PGM5: variants seen among roughly 807,000 people sequenced by gnomAD.
PGM5 encodes the protein phosphoglucomutase 5, also known as phosphoglucomutase-like protein 5.
In PGM5, 23 loss-of-function variants were observed where a neutral mutation model predicts 59.2. The ratio of observed to expected loss-of-function variants is 0.39; its 90% CI spans 0.28 to 0.55. The LOEUF (loss-of-function observed/expected upper bound fraction) is 0.55, where lower values mean the gene tolerates loss of function less well. Among genes scored for constraint, PGM5 ranks in the 20% least tolerant of loss-of-function variants. PGM5 has a pLI of 0.66. For synonymous variants in PGM5, 214 were observed against 286.0 expected (o/e 0.75, Z 2.54); for missense variants, 574 against 748.3 (o/e 0.77, Z 2.72).
intron 6 of PGM5, among the ~76,000 whole-genome samples, chr9:68,445,857 C>A (rs1328444760): frequency 1.3e-5 from 2 of 152,174 alleles, no homozygotes; most frequent in Admixed American, 1.3e-4. Flanking sequence ...TGTTTTCTTA[C>A]GTGTAGTTAT....
chr9:68,488,323 C>T (rs1214200447), intron 9 of PGM5, among the ~76,000 whole-genome samples: 1 of 152,140 alleles, frequency 6.6e-6, no homozygotes. Context: ...ATGTCCTTGA[C>T]CTGAGGTCAG....
At chr9:68,387,883 A>C (rs781789342) in intron 4 of PGM5, among the ~76,000 whole-genome samples, 1 of 152,046 alleles carries the variant, frequency 6.6e-6, no homozygotes, top group Non-Finnish European at 1.5e-5. Context: ...TCAAATAAAT[A>C]GTTCAAGATT....
intron 6 of PGM5, among the ~76,000 whole-genome samples, chr9:68,421,576 G>T (rs1412325824): frequency 6.6e-6 from 1 of 152,004 alleles, no homozygotes; most frequent in African/African-American, 2.4e-5. Context: ...AATTAGTCAG[G>T]CATGGTGGTG....
At chr9:68,527,420 G>T (rs1231721068) in intron 10 of PGM5, among the ~76,000 whole-genome samples, 1 of 152,144 alleles carries the variant, frequency 6.6e-6, no homozygotes, top group Non-Finnish European at 1.5e-5. Context: ...AGGTGTTAAT[G>T]AAGAATTACA....
chr9:68,357,431 A>G, intron 1 of PGM5, 43 bp downstream of exon 1: 1 of 1,542,456 alleles, frequency 6.5e-7, no homozygotes, highest in Non-Finnish European at 8.7e-7. Flanking sequence ...CGCCGCCGCC[A>G]TGCCCTCTCC....
intron 2 of PGM5, 90 bp downstream of exon 2, chr9:68,378,451 C>A: frequency 7.0e-7 from 1 of 1,430,804 alleles, no homozygotes; most frequent in Non-Finnish European, 9.3e-7. Context: ...GATAGACAAG[C>A]AAGGTGCAGA....
At chr9:68,468,131 G>A (rs2132081229) in intron 7 of PGM5, among the ~76,000 whole-genome samples, 1 of 151,756 alleles carries the variant, frequency 6.6e-6, no homozygotes, top group South Asian at 2.1e-4. Flanking sequence ...CATCACCCAG[G>A]AATTAAGCCC....
intron 6 of PGM5, among the ~76,000 whole-genome samples, chr9:68,413,806 C>G (rs561894288): frequency 1.5e-4 from 23 of 152,256 alleles, no homozygotes; most frequent in Admixed American, 1.3e-3. Context: ...ACAACACAGC[C>G]ATATACAGAA....
At chr9:68,513,740 A>G (rs1322747835) in intron 10 of PGM5, among the ~76,000 whole-genome samples, 1 of 152,182 alleles carries the variant, frequency 6.6e-6, no homozygotes, top group East Asian at 1.9e-4. Context: ...TTTTAATTAT[A>G]TTCTTGGGAA....
chr9:68,446,375 G>T (rs565324289), intron 6 of PGM5, among the ~76,000 whole-genome samples: 11 of 152,194 alleles, frequency 7.2e-5, no homozygotes, highest in Non-Finnish European at 1.3e-4. Flanking sequence ...TCTTGTCTTC[G>T]TTGCGTCCAA....
At chr9:68,385,827 GT>G in intron 3 of PGM5, among the ~76,000 whole-genome samples, 1 of 152,176 alleles carries the variant, frequency 6.6e-6, no homozygotes, top group East Asian at 1.9e-4. Flanking sequence ...AGTTGAATGA[GT>G]TTTCTAAAAA....
At chr9:68,430,534 T>G (rs1823327199) in intron 6 of PGM5, among the ~76,000 whole-genome samples, 1 of 152,250 alleles carries the variant, frequency 6.6e-6, no homozygotes, top group African/African-American at 2.4e-5. Context: ...GACTTTCAAA[T>G]TTTCCTCTTT....
At chr9:68,513,168 T>G (rs932240213) in intron 10 of PGM5, among the ~76,000 whole-genome samples, 7 of 152,250 alleles carry the variant, frequency 4.6e-5, no homozygotes, top group Non-Finnish European at 7.3e-5. Context: ...ACATTTGTAT[T>G]TGTGTATATT....
chr9:68,441,282 T>C (rs1308773062), intron 6 of PGM5, among the ~76,000 whole-genome samples: 1 of 152,090 alleles, frequency 6.6e-6, no homozygotes, highest in Non-Finnish European at 1.5e-5. Flanking sequence ...ACACATTTTA[T>C]GAGGCTAGCA....
At chr9:68,374,275 G>C (rs1237381401) in intron 1 of PGM5, among the ~76,000 whole-genome samples, 17 of 152,126 alleles carry the variant, frequency 1.1e-4, no homozygotes, top group Non-Finnish European at 2.2e-4. Flanking sequence ...ATTATATTCA[G>C]TTCTATATCA....
intron 1 of PGM5, among the ~76,000 whole-genome samples, chr9:68,376,765 A>ATTTCTTTCTTTCTTTCTTTCTTTC (rs71353048): frequency 1.0e-5 from 1 of 96,720 alleles, no homozygotes. Context: ...GAGGTTCTGC[A>ATTTCTTTCTTTCTTTCTTTCTTTC]TTTCTTTCTT....
chr9:68,393,409 G>A (rs1402914503), intron 6 of PGM5, among the ~76,000 whole-genome samples: 13 of 151,884 alleles, frequency 8.6e-5, no homozygotes, highest in African/African-American at 3.1e-4. Flanking sequence ...CACATTGCTT[G>A]TAACCTGCTT....
At chr9:68,423,629 A>ATCTCTCTCTCTCTCTC (rs368417025) in intron 6 of PGM5, among the ~76,000 whole-genome samples, 43 of 129,430 alleles carry the variant, frequency 3.3e-4, no homozygotes, top group African/African-American at 1.2e-3. Context: ...AGAGCACAAA[A>ATCTCTCTCTCTCTCTC]TCTCTCTCTC....
chr9:68,453,244 A>C (rs782489827), intron 6 of PGM5, among the ~76,000 whole-genome samples: 2 of 152,208 alleles, frequency 1.3e-5, no homozygotes, highest in Non-Finnish European at 2.9e-5. Flanking sequence ...GACTTGGTAA[A>C]TTAACATATA....
Sources: gnomAD v4.1 joint callset for allele counts (sites outside exome capture counted in the v4.1 genomes callset) on GRCh38, gnomAD v4.1.1 for gene constraint, MANE v1.5 for transcripts, NCBI Gene and HGNC (gene_info 2026-07-23, HGNC 2026-07-21) for gene names.